ESRRB: variants seen among roughly 807,000 people sequenced by gnomAD.
ESRRB encodes estrogen related receptor beta.
Under a neutral mutation model 46.0 loss-of-function variants are expected in ESRRB, and 16 were observed. That is an observed-to-expected ratio of 0.35 (90% CI 0.24 to 0.53). The LOEUF (loss-of-function observed/expected upper bound fraction) is 0.53, where lower values mean the gene tolerates loss of function less well. Ranked by LOEUF, ESRRB falls within the 20% of genes least tolerant of loss-of-function variation. ESRRB has a pLI of 0.93. For synonymous variants in ESRRB, 246 were observed against 259.6 expected, an observed-to-expected ratio of 0.95 and a Z score of 0.50; for missense variants, 488 against 607.4, an observed-to-expected ratio of 0.80 and a Z score of 2.07.
chr14:76,386,108 A>G (rs959479782), intron 1 of ESRRB, among the ~76,000 whole-genome samples: 3 of 152,176 alleles, frequency 2.0e-5, no homozygotes, highest in Non-Finnish European at 4.4e-5. Flanking sequence ...TACTTTGTTT[A>G]ATGTGATCAA....
At chr14:76,493,880 G>A (rs149639787) in intron 6 of ESRRB, among the ~76,000 whole-genome samples, 4 of 152,358 alleles carry the variant, frequency 2.6e-5, no homozygotes, top group African/African-American at 9.6e-5. Flanking sequence ...GCCTTGCCCA[G>A]AGGGTTATGT....
chr14:76,352,316 G>T (rs1363912310), intron 1 of ESRRB, among the ~76,000 whole-genome samples: 3 of 152,194 alleles, frequency 2.0e-5, no homozygotes, highest in Non-Finnish European at 4.4e-5. Flanking sequence ...TTCAGTACAT[G>T]TTAATTAAAT....
intron 1 of ESRRB, among the ~76,000 whole-genome samples, chr14:76,350,502 C>T (rs1240649915): frequency 6.6e-6 from 1 of 152,150 alleles, no homozygotes; most frequent in Non-Finnish European, 1.5e-5. Context: ...TTGCCAGGGC[C>T]CCAACCTACC....
chr14:76,345,510 C>T (rs1327415785), intron 1 of ESRRB, among the ~76,000 whole-genome samples: 1 of 152,154 alleles, frequency 6.6e-6, no homozygotes, highest in Non-Finnish European at 1.5e-5. Flanking sequence ...CTTACTCCTG[C>T]AAGAATGGCC....
At chr14:76,463,115 G>T in intron 3 of ESRRB, 2 of 233,634 alleles carry the variant, frequency 8.6e-6, no homozygotes, top group Non-Finnish European at 8.5e-6. Flanking sequence ...GACAGGACAT[G>T]GCTCTTGCCT....
At chr14:76,399,077 G>A (rs1316540192) in intron 1 of ESRRB, among the ~76,000 whole-genome samples, 2 of 152,152 alleles carry the variant, frequency 1.3e-5, no homozygotes, top group Non-Finnish European at 2.9e-5. Context: ...CTGTCCCCTG[G>A]CTGCAGCCTG....
At chr14:76,337,852 G>A (rs1362964375) in intron 1 of ESRRB, among the ~76,000 whole-genome samples, 3 of 152,184 alleles carry the variant, frequency 2.0e-5, no homozygotes, top group East Asian at 1.9e-4. Flanking sequence ...TCCCTGACAC[G>A]GTGTAGGGTT....
intron 1 of ESRRB, among the ~76,000 whole-genome samples, chr14:76,336,190 AG>A (rs1595048385): frequency 1.3e-5 from 2 of 152,184 alleles, no homozygotes; most frequent in African/African-American, 4.8e-5. Context: ...ATTGCCAGGT[AG>A]GTCCAGGCTG....
intron 1 of ESRRB, among the ~76,000 whole-genome samples, chr14:76,429,785 G>A (rs955255429): frequency 7.2e-5 from 11 of 151,978 alleles, no homozygotes; most frequent in African/African-American, 2.2e-4. Context: ...AAATAAAATA[G>A]GCAGTTCAGA....
chr14:76,381,960 G>A (rs1026433799), intron 1 of ESRRB, among the ~76,000 whole-genome samples: 24 of 152,218 alleles, frequency 1.6e-4, no homozygotes, highest in African/African-American at 5.8e-4. Context: ...CCTCTCTAAG[G>A]TGCCCTTCTG....
At chr14:76,407,708 G>A in intron 1 of ESRRB, 1 of 523,040 alleles carries the variant, frequency 1.9e-6, no homozygotes, top group South Asian at 8.4e-5. Context: ...GAGTGGTCTG[G>A]GTGCCTCTAG....
At chr14:76,392,098 G>A (rs1396658877) in intron 1 of ESRRB, among the ~76,000 whole-genome samples, 6 of 152,238 alleles carry the variant, frequency 3.9e-5, no homozygotes, top group Admixed American at 6.5e-5. Context: ...AGTACTTAGC[G>A]GGTCCCCCAT....
At chr14:76,386,454 AT>A (rs10573960) in intron 1 of ESRRB, among the ~76,000 whole-genome samples, 21,122 of 112,794 alleles carry the variant, frequency 0.19, 1,191 homozygotes, top group South Asian at 0.23. Context: ...CGGTTTTTTA[AT>A]TTTTTTTTTT....
At chr14:76,468,614 G>A (rs1327579527) in intron 3 of ESRRB, among the ~76,000 whole-genome samples, 6 of 151,906 alleles carry the variant, frequency 3.9e-5, no homozygotes, top group African/African-American at 1.2e-4. Context: ...GGTCACGTAG[G>A]CCTGGTTAAA....
chr14:76,383,144 G>T (rs779704376), intron 1 of ESRRB, among the ~76,000 whole-genome samples: 13 of 152,174 alleles, frequency 8.5e-5, no homozygotes, highest in Non-Finnish European at 1.9e-4. Context: ...CCAAAATCCT[G>T]CATTTAAAAC....
chr14:76,397,640 C>T (rs193056502), intron 1 of ESRRB, among the ~76,000 whole-genome samples: 7 of 152,268 alleles, frequency 4.6e-5, no homozygotes, highest in African/African-American at 9.6e-5. Flanking sequence ...CATGGTGGCT[C>T]GTGCTTCTAA....
chr14:76,315,829 C>CA (rs1354883542), intron 1 of ESRRB, among the ~76,000 whole-genome samples: 1 of 152,184 alleles, frequency 6.6e-6, no homozygotes, highest in Non-Finnish European at 1.5e-5. Flanking sequence ...CAGGACCTTA[C>CA]AGCACTGTTT....
At chr14:76,386,790 G>A (rs1374491380) in intron 1 of ESRRB, among the ~76,000 whole-genome samples, 1 of 152,044 alleles carries the variant, frequency 6.6e-6, no homozygotes, top group Non-Finnish European at 1.5e-5. Context: ...TATGGCAGTG[G>A]GTAAGTTCCC....
chr14:76,340,395 G>A (rs990155034), intron 1 of ESRRB, among the ~76,000 whole-genome samples: 26 of 152,184 alleles, frequency 1.7e-4, no homozygotes, highest in African/African-American at 6.3e-4. Context: ...AGTTTTTAAT[G>A]GCATTGTTGA....
Sources: allele counts gnomAD v4.1 joint callset (sites outside exome capture counted in the v4.1 genomes callset), GRCh38; gene constraint gnomAD v4.1.1; transcripts MANE v1.5; gene names NCBI Gene and HGNC (gene_info 2026-07-23, HGNC 2026-07-21).